FRK: variants seen among roughly 807,000 people sequenced by gnomAD.
FRK encodes tyrosine-protein kinase FRK.
A neutral mutation model predicts 56.4 loss-of-function variants in FRK; 51 were observed. The observed-to-expected ratio is 0.90, with a 90% confidence interval of 0.72 to 1.14. FRK has a LOEUF of 1.14. FRK is among the 50% of genes most tolerant of loss of function. The pLI is 0.00. For missense variants in FRK, 570 were observed against 601.4 expected (o/e 0.95, Z 0.55); for synonymous variants, 245 against 217.9 (o/e 1.12, Z -1.10).
chr6:115,950,494 G>A (rs1459791183), intron 5 of FRK, among the ~76,000 whole-genome samples: 1 of 152,086 alleles, frequency 6.6e-6, no homozygotes, highest in African/African-American at 2.4e-5. Flanking sequence ...AGTTAGAATG[G>A]GATCATTAAA....
chr6:116,042,848 G>A (rs569644424), intron 1 of FRK, among the ~76,000 whole-genome samples: 16 of 152,048 alleles, frequency 1.1e-4, no homozygotes, highest in African/African-American at 2.2e-4. Flanking sequence ...TCCATCTCAC[G>A]TGCAAAGACA....
Position 116,039,125 on chromosome 6 carries a change from G to C in FRK, c.344+20843C>G, listed in dbSNP as rs76990077. ...TCTGGCAAAGGGACTCAGAGTAATC[G>C]CTTGCACTGGGGAGAAGCTAGCTGA... is the stretch of plus-strand genomic sequence containing the variant. On this transcript the variant is annotated intron_variant, in intron 1 of 7. Transcript: ENST00000606080. 3,943 of 866,460 alleles carry C rather than the reference G, an allele frequency of 4.6e-3. 16 individuals are homozygous for C. The highest frequency in any genetic ancestry group is 7.0e-3 in the Non-Finnish European group (3,481 of 500,520). 53.7% of individuals were successfully genotyped at this position (866,460 alleles called of 1,614,324 possible).
intron 2 of FRK, among the ~76,000 whole-genome samples, chr6:115,999,818 C>G (rs553358288): frequency 6.6e-6 from 1 of 152,110 alleles, no homozygotes; most frequent in Non-Finnish European, 1.5e-5. Context: ...CTTTCCTTTC[C>G]ATTTTTCTCC....
At chr6:116,091,047 T>A in the FRK span, among the ~76,000 whole-genome samples, 1 of 152,236 alleles carries the variant, frequency 6.6e-6, no homozygotes, top group Non-Finnish European at 1.5e-5. Context: ...ATTCTAAACA[T>A]TTTTTAAAAT....
At chr6:116,099,983 G>T in the FRK span, among the ~76,000 whole-genome samples, 1 of 152,194 alleles carries the variant, frequency 6.6e-6, no homozygotes, top group Non-Finnish European at 1.5e-5. Flanking sequence ...GGCATACATT[G>T]TATGTAATGG....
intron 1 of FRK, among the ~76,000 whole-genome samples, chr6:116,057,809 C>T (rs888824315): frequency 1.2e-4 from 19 of 152,100 alleles, no homozygotes; most frequent in Non-Finnish European, 7.4e-5. Flanking sequence ...AATTTAGTTG[C>T]CTTATTTTGT....
In FRK at chr6:115,940,477, A is replaced by G. The variant is rs1208937386; in HGVS notation, c.*1937T>C. Reference sequence around the variant, plus strand: ...TGGCAACAAAAGCCCAAATTGAGAAATGGGATCTAATTAAACTAAAGAGCT... The same window carrying G: ...TGGCAACAAAAGCCCAAATTGAGAAGTGGGATCTAATTAAACTAAAGAGCT... On this transcript the variant is annotated 3_prime_UTR_variant, in exon 8 of 8. Transcript: ENST00000606080. 6.6e-6 allele frequency: 1 copy of G among 152,222 alleles called. No homozygotes were observed. The highest frequency in any genetic ancestry group is 1.9e-4 in the East Asian group (1 of 5,206). 9.4% of individuals were successfully genotyped at this position (152,222 alleles called of 1,614,324 possible). A position where few individuals can be genotyped will look rare whatever the true frequency, so the allele number is the denominator to read the frequency against.
intron 1 of FRK, among the ~76,000 whole-genome samples, chr6:116,005,102 G>A (rs1382515077): frequency 6.6e-6 from 1 of 152,116 alleles, no homozygotes; most frequent in Non-Finnish European, 1.5e-5. Flanking sequence ...TAAGGCAGTT[G>A]GGGGAAGGAA....
intron 4 of FRK, among the ~76,000 whole-genome samples, chr6:115,959,193 C>A (rs12203739): frequency 6.6e-5 from 10 of 152,070 alleles, no homozygotes. Flanking sequence ...AATAAATAGC[C>A]GCTCATATTG....
chr6:116,043,154 A>G (rs4435976), intron 1 of FRK, among the ~76,000 whole-genome samples: 2 of 152,150 alleles, frequency 1.3e-5, no homozygotes, highest in African/African-American at 4.8e-5. Context: ...TTTAACACCC[A>G]CTGTTAATAT....
chr6:116,088,780 G>A, the FRK span, among the ~76,000 whole-genome samples: 1 of 152,162 alleles, frequency 6.6e-6, no homozygotes, highest in African/African-American at 2.4e-5. Flanking sequence ...TTTTTAATAT[G>A]ATTAGCTCTC....
chr6:115,976,889 C>A (rs534896202), intron 2 of FRK, among the ~76,000 whole-genome samples: 38 of 152,158 alleles, frequency 2.5e-4, no homozygotes, highest in African/African-American at 8.9e-4. Flanking sequence ...GCATTGTCAA[C>A]AAAAGAGAGG....
chr6:116,063,354 C>CTAATGTGTATATAT (rs1777685028), upstream of FRK, among the ~76,000 whole-genome samples: 2 of 152,120 alleles, frequency 1.3e-5, 1 homozygote, highest in Middle Eastern at 6.3e-3. Context: ...GGTATATATA[C>CTAATGTGTATATAT]ACATTAGAAA....
chr6:115,937,908 G>C lies in FRK; in HGVS notation c.*4506C>G, dbSNP rs1374106706. ...TTTTAACAGCCTGCTGTCAATATTA[G>C]ACAGATAAATGAGACAGAAAATTAA... is the stretch of plus-strand genomic sequence containing the variant. On this transcript the variant is annotated 3_prime_UTR_variant, in exon 8 of 8. Coordinates refer to ENST00000606080, the MANE Select transcript of FRK (RefSeq NM_002031.3). The C allele has an allele frequency of 1.3e-5, 2 of 152,172 alleles. No individual in the cohort carries two copies. The highest frequency in any genetic ancestry group is 4.8e-5 in the African/African-American group (2 of 41,430). 9.4% of individuals were successfully genotyped at this position (152,172 alleles called of 1,614,324 possible). A position where few individuals can be genotyped will look rare whatever the true frequency, so the allele number is the denominator to read the frequency against.
At chr6:116,086,012 T>C in the FRK span, among the ~76,000 whole-genome samples, 1 of 151,602 alleles carries the variant, frequency 6.6e-6, no homozygotes, top group Non-Finnish European at 1.5e-5. Context: ...CAAATGACTT[T>C]TTTTTTTTTT....
At chr6:116,092,758 C>T in the FRK span, among the ~76,000 whole-genome samples, 9 of 152,210 alleles carry the variant, frequency 5.9e-5, no homozygotes, top group Admixed American at 2.0e-4. Context: ...GTCTGGGGAC[C>T]GTTGCGAGTT....
the FRK span, among the ~76,000 whole-genome samples, chr6:116,068,377 T>C: frequency 6.6e-6 from 1 of 151,958 alleles, no homozygotes; most frequent in Admixed American, 6.6e-5. Context: ...GAAGCTAATA[T>C]GGGCTTAAAA....
In FRK at chr6:115,981,040, A is replaced by G. The variant is rs542632943; in HGVS notation, c.467-12301T>C. On this transcript the variant is annotated intron_variant, in intron 2 of 7. Coordinates refer to ENST00000606080, the MANE Select transcript of FRK (RefSeq NM_002031.3). ...ACCTTTTGGAGATATATGGAAATACATGCACAAATGAAAAGATAATCAAAT... is the reference window on the plus strand; with the variant it reads ...ACCTTTTGGAGATATATGGAAATACGTGCACAAATGAAAAGATAATCAAAT... Among the ~76,000 whole-genome samples, 16 of 152,260 alleles carry G rather than the reference A, an allele frequency of 1.1e-4. No homozygotes were observed. The East Asian group carries it at 3.1e-3, about 29-fold the overall frequency.
the FRK span, among the ~76,000 whole-genome samples, chr6:116,090,922 C>A: frequency 6.6e-6 from 1 of 152,152 alleles, no homozygotes; most frequent in African/African-American, 2.4e-5. Flanking sequence ...ATTATTTGAA[C>A]CTTAAAGCAA....
Sources: gnomAD v4.1 joint callset for allele counts (sites outside exome capture counted in the v4.1 genomes callset) on GRCh38, gnomAD v4.1.1 for gene constraint, MANE v1.5 for transcripts, NCBI Gene and HGNC (gene_info 2026-07-23, HGNC 2026-07-21) for gene names.